WDR76: variants seen among roughly 807,000 people sequenced by gnomAD.
The protein encoded by WDR76 is WD repeat domain 76, also known as WD repeat-containing protein 76.
A neutral mutation model predicts 70.2 loss-of-function variants in WDR76; 52 were observed. The observed-to-expected ratio is 0.74, with a 90% CI of 0.59 to 0.93. WDR76 has a LOEUF of 0.93. WDR76 is among the 40% of genes least tolerant of loss of function. WDR76 has a pLI of 0.00. For missense variants in WDR76, 756 were observed against 760.2 expected, an observed-to-expected ratio of 0.99 and a Z score of 0.07; for synonymous variants, 292 against 271.1, an observed-to-expected ratio of 1.08 and a Z score of -0.76.
Position 43,866,295 on chromosome 15 carries a change from T to C in WDR76, c.1784T>C (p.Val595Ala). The C allele has an allele frequency of 6.2e-7, 1 of 1,614,120 alleles. No homozygotes were observed. The highest frequency in any genetic ancestry group is 1.3e-5 in the African/African-American group (1 of 75,024). The change falls in exon 13 of 13, where the codon GTG (valine) becomes GCG (alanine). Residue 595 changes from valine to alanine, a missense_variant. Transcript: ENST00000263795. ...HSFGGEYLVS[V>A]CSINAMHPTR... Reference sequence around the variant, plus strand: ...TTTGGTGGAGAATACCTTGTCTCTGTGTGTTCCATCAATGCCATGCACCCA... The same window carrying C: ...TTTGGTGGAGAATACCTTGTCTCTGCGTGTTCCATCAATGCCATGCACCCA...
chr15:43,833,781 C>T (rs933789661), intron 2 of WDR76, among the ~76,000 whole-genome samples: 11 of 151,982 alleles, frequency 7.2e-5, no homozygotes, highest in African/African-American at 2.7e-4. Context: ...GGACTACAGG[C>T]GTGTGTCACC....
chr15:43,838,587 C>T (rs941925478), intron 4 of WDR76, among the ~76,000 whole-genome samples: 2 of 152,044 alleles, frequency 1.3e-5, no homozygotes, highest in Admixed American at 1.3e-4. Context: ...TTTTTATATT[C>T]TGAGATTTTC....
rs1484095697 is a variant in WDR76, at chr15:43,845,699, G to C, written c.1032+1645G>C. Among the ~76,000 whole-genome samples the C allele has an allele frequency of 2.7e-5, 4 of 150,500 alleles. 1 individual carries two copies. The highest frequency in any genetic ancestry group is 6.0e-5 in the Non-Finnish European group (4 of 67,156). On this transcript the variant is annotated intron_variant, in intron 8 of 12. Transcript: ENST00000263795. ...GAATGATTTTAGTTATCTTTGATGA[G>C]TCAGAAATAGATACTGAATTCCATT...
intron 3 of WDR76, 137 bp downstream of exon 3, chr15:43,835,287 G>A (rs1002703720): frequency 6.4e-6 from 4 of 625,258 alleles, no homozygotes; most frequent in African/African-American, 6.4e-5. Context: ...GGTAACATAC[G>A]GAGACCCGCC....
rs774710841 is a variant in WDR76 at position 43,828,228 on chromosome 15, G to A, written c.324G>A (p.Thr108=). The A allele has an allele frequency of 1.9e-5, 31 of 1,614,016 alleles. 1 individual carries two copies. The South Asian group carries it at 3.0e-4, about 15-fold the overall frequency. ...ACACATCTTCCAAGGCAGAATCCAC[G>A]CTGCAAAATTCATCCTCAGCTGTTC... ...MKNTSSKAES[T]LQNSSSAVHT... Residue 108 remains threonine (T), a synonymous_variant, in exon 2 of 13, where the codon ACG becomes ACA. Transcript: ENST00000263795.
chr15:43,831,408 G>T (rs939042758), intron 2 of WDR76, among the ~76,000 whole-genome samples: 9 of 151,876 alleles, frequency 5.9e-5, no homozygotes, highest in Non-Finnish European at 1.3e-4. Flanking sequence ...CAAAGTGCTG[G>T]GATTACAGAT....
intron 2 of WDR76, among the ~76,000 whole-genome samples, chr15:43,831,519 A>G (rs936943553): frequency 2.0e-5 from 3 of 151,526 alleles, no homozygotes; most frequent in African/African-American, 4.9e-5. Context: ...GCTCACTGCA[A>G]CCTTCACCTC....
chr15:43,830,517 G>T (rs886457124), intron 2 of WDR76, among the ~76,000 whole-genome samples: 1 of 147,738 alleles, frequency 6.8e-6, no homozygotes, highest in South Asian at 2.1e-4. Flanking sequence ...AGCCGAGATC[G>T]TGCTGTTGCA....
intron 9 of WDR76, among the ~76,000 whole-genome samples, chr15:43,853,290 A>G (rs1047638828): frequency 2.6e-5 from 4 of 152,062 alleles, no homozygotes; most frequent in Non-Finnish European, 4.4e-5. Context: ...TCCCAGGCTC[A>G]CGTGATCCTC....
intron 2 of WDR76, 131 bp from the exon 3 acceptor site, chr15:43,834,930 A>G: frequency 2.6e-6 from 2 of 767,322 alleles, no homozygotes; most frequent in Non-Finnish European, 4.1e-6. Context: ...TTTTGGTAAG[A>G]TGATGAAATG....
chr15:43,831,823 T>C (rs1704114981), intron 2 of WDR76, among the ~76,000 whole-genome samples: 2 of 152,114 alleles, frequency 1.3e-5, no homozygotes. Flanking sequence ...ATACTTTGCA[T>C]ATCAGAGAAA....
At chr15:43,837,742 C>T (rs1269774656) in intron 4 of WDR76, among the ~76,000 whole-genome samples, 5 of 152,034 alleles carry the variant, frequency 3.3e-5, no homozygotes, top group African/African-American at 4.8e-5. Context: ...AAAAATTATA[C>T]AGGTCCCATC....
intron 5 of WDR76, among the ~76,000 whole-genome samples, chr15:43,841,201 G>GTTTTTT (rs910565504): frequency 2.0e-4 from 20 of 102,260 alleles, no homozygotes; most frequent in South Asian, 3.2e-4. Context: ...TTGTTTTTTT[G>GTTTTTT]TTTTTTTTTT....
chr15:43,857,272 T>A, intron 10 of WDR76, 109 bp downstream of exon 10: 1 of 1,173,394 alleles, frequency 8.5e-7, no homozygotes. Flanking sequence ...GGTATTACTT[T>A]TGTAATACCC....
chr15:43,827,798 G>A (rs1484940002), intron 1 of WDR76, among the ~76,000 whole-genome samples, 167 bp from the exon 2 acceptor site: 1 of 152,130 alleles, frequency 6.6e-6, no homozygotes, highest in Non-Finnish European at 1.5e-5. Flanking sequence ...GCCCGATTGG[G>A]CCTCCCAAAG....
At position 43,843,888 on chromosome 15, in the gene WDR76, G is replaced by A; in HGVS notation, c.879-13G>A. On this transcript the variant is annotated splice_polypyrimidine_tract_variant and intron_variant, in intron 7 of 12. Transcript: ENST00000263795. Reference sequence around the variant, plus strand: ...GGTTTTACTTACAAAATTTAACTTTGTAATTTTCTTAGCTACAAAGCCAAT... The same window carrying A: ...GGTTTTACTTACAAAATTTAACTTTATAATTTTCTTAGCTACAAAGCCAAT... 1 of 1,539,892 alleles carries A rather than the reference G, an allele frequency of 6.5e-7. No individual in the cohort carries two copies. The highest frequency in any genetic ancestry group is 8.8e-7 in the Non-Finnish European group (1 of 1,142,124).
intron 8 of WDR76, among the ~76,000 whole-genome samples, chr15:43,847,684 G>T (rs914459039): frequency 6.6e-6 from 1 of 152,020 alleles, no homozygotes. Flanking sequence ...GCCTCCCAAA[G>T]TGCTGGGTTT....
At chr15:43,848,787 A>C (rs2140306321) in intron 8 of WDR76, among the ~76,000 whole-genome samples, 1 of 152,186 alleles carries the variant, frequency 6.6e-6, no homozygotes, top group East Asian at 1.9e-4. Flanking sequence ...AAAAATACAA[A>C]ATTAGCTGGG....
chr15:43,844,104 G>T (rs1363129370), intron 8 of WDR76, 50 bp downstream of exon 8: 1 of 1,566,842 alleles, frequency 6.4e-7, no homozygotes, highest in Admixed American at 1.8e-5. Flanking sequence ...AAAGCAAATA[G>T]GCTGGAAGAG....
Sources: allele counts gnomAD v4.1 joint callset (sites outside exome capture counted in the v4.1 genomes callset), GRCh38; gene constraint gnomAD v4.1.1; transcripts MANE v1.5; gene names NCBI Gene and HGNC (gene_info 2026-07-23, HGNC 2026-07-21).